Variants in PDLIM5 observed in about 807,000 individuals in gnomAD.
PDLIM5 encodes the protein PDZ and LIM domain 5, also known as PDZ and LIM domain protein 5.
A neutral mutation model predicts 64.2 loss-of-function variants in PDLIM5; 34 were observed. That is an observed-to-expected ratio of 0.53 (90% CI 0.40 to 0.71). PDLIM5 has a LOEUF of 0.71. Ranked by LOEUF, PDLIM5 falls within the 30% of genes least tolerant of loss-of-function variation. PDLIM5 has a pLI of 0.00. For synonymous variants in PDLIM5, 253 were observed against 269.1 expected (o/e 0.94, Z 0.59); for missense variants, 683 against 733.6 (o/e 0.93, Z 0.80).
intron 2 of PDLIM5, among the ~76,000 whole-genome samples, chr4:94,491,945 G>A (rs938207821): frequency 2.0e-5 from 3 of 151,474 alleles, no homozygotes; most frequent in Non-Finnish European, 2.9e-5. Context: ...TCAAATATAC[G>A]TTATTATTGA....
At chr4:94,490,956 T>A (rs999649386) in intron 2 of PDLIM5, among the ~76,000 whole-genome samples, 5 of 152,184 alleles carry the variant, frequency 3.3e-5, no homozygotes, top group Admixed American at 1.3e-4. Context: ...ATAAAATGAC[T>A]GTATACCATT....
At chr4:94,593,212 C>T (rs1471143499) in intron 7 of PDLIM5, among the ~76,000 whole-genome samples, 1 of 152,178 alleles carries the variant, frequency 6.6e-6, no homozygotes. Context: ...GTAGCTGCAA[C>T]TGTAAGTAAA....
chr4:94,616,009 TTGTC>T (rs1738757117), intron 7 of PDLIM5, among the ~76,000 whole-genome samples: 1 of 152,188 alleles, frequency 6.6e-6, no homozygotes, highest in Non-Finnish European at 1.5e-5. Context: ...TTAAGTCAGT[TTGTC>T]TGGCAGCTCT....
intron 2 of PDLIM5, among the ~76,000 whole-genome samples, chr4:94,508,282 A>G (rs187935242): frequency 9.8e-5 from 15 of 152,336 alleles, no homozygotes; most frequent in African/African-American, 3.1e-4. Context: ...TGCTGTCTTG[A>G]TAAAAGCCAA....
intron 5 of PDLIM5, chr4:94,579,679 C>T: frequency 2.2e-6 from 1 of 446,692 alleles, no homozygotes; most frequent in Non-Finnish European, 4.1e-6. Flanking sequence ...TTTCAGTAAG[C>T]TTGGTTTGCA....
chr4:94,624,747 T>G (rs1273104213), intron 8 of PDLIM5, among the ~76,000 whole-genome samples: 1 of 152,062 alleles, frequency 6.6e-6, no homozygotes, highest in Non-Finnish European at 1.5e-5. Context: ...TGGCTTCGGG[T>G]AGGAAAGACA....
At chr4:94,648,542 C>T (rs1037344213) in intron 9 of PDLIM5, among the ~76,000 whole-genome samples, 5 of 152,150 alleles carry the variant, frequency 3.3e-5, no homozygotes, top group African/African-American at 7.2e-5. Context: ...TCAAGTGATC[C>T]GCCCGTCTCG....
At chr4:94,640,125 T>C (rs1278631281) in intron 8 of PDLIM5, 151 bp from the exon 9 acceptor site, 1 of 428,128 alleles carries the variant, frequency 2.3e-6, no homozygotes, top group African/African-American at 2.0e-5. Context: ...AGTCACAGCC[T>C]AGTGTTTGAT....
At chr4:94,482,881 C>G (rs926321453) in intron 2 of PDLIM5, among the ~76,000 whole-genome samples, 2 of 151,762 alleles carry the variant, frequency 1.3e-5, no homozygotes, top group Non-Finnish European at 2.9e-5. Context: ...AGACCAAGAC[C>G]CTGTCACTAA....
chr4:94,586,561 A>T (rs2110316943), intron 7 of PDLIM5, 117 bp downstream of exon 7: 1 of 639,464 alleles, frequency 1.6e-6, no homozygotes, highest in East Asian at 2.7e-5. Flanking sequence ...CTAGAAGCTA[A>T]GCATTTAACT....
intron 3 of PDLIM5, among the ~76,000 whole-genome samples, chr4:94,560,722 ATGTT>A (rs1733761221): frequency 6.6e-6 from 1 of 151,856 alleles, no homozygotes; most frequent in African/African-American, 2.4e-5. Flanking sequence ...TAAGACTTAG[ATGTT>A]TGTTTTGTTT....
intron 7 of PDLIM5, chr4:94,611,088 T>A: frequency 2.0e-6 from 3 of 1,534,806 alleles, no homozygotes. Flanking sequence ...TCCTGAAAGA[T>A]ATCACTCACT....
chr4:94,459,018 A>G (rs1723633549), intron 2 of PDLIM5, among the ~76,000 whole-genome samples: 1 of 152,096 alleles, frequency 6.6e-6, no homozygotes, highest in African/African-American at 2.4e-5. Context: ...TCCTGTGTTT[A>G]TGGAATTGCC....
At chr4:94,532,983 A>G (rs576413374) in intron 3 of PDLIM5, among the ~76,000 whole-genome samples, 1 of 152,314 alleles carries the variant, frequency 6.6e-6, no homozygotes, top group South Asian at 2.1e-4. Context: ...AGACTGGGCG[A>G]CAGAGTGAGA....
intron 7 of PDLIM5, among the ~76,000 whole-genome samples, chr4:94,617,339 A>G (rs552220953): frequency 2.6e-5 from 4 of 152,210 alleles, no homozygotes; most frequent in Non-Finnish European, 5.9e-5. Flanking sequence ...TGGTTGAGAG[A>G]AGATAATGGC....
At chr4:94,651,529 GA>G (rs983499769) in intron 9 of PDLIM5, among the ~76,000 whole-genome samples, 10 of 152,118 alleles carry the variant, frequency 6.6e-5, no homozygotes, top group Non-Finnish European at 1.5e-4. Flanking sequence ...TACAAAAGGG[GA>G]AAAAGAATGA....
chr4:94,536,770 A>G (rs1325371734), intron 3 of PDLIM5, among the ~76,000 whole-genome samples: 2 of 152,154 alleles, frequency 1.3e-5, no homozygotes, highest in East Asian at 3.9e-4. Flanking sequence ...TTCCAGATAA[A>G]CATTTTTGTC....
At chr4:94,505,770 G>C (rs1308938604) in intron 2 of PDLIM5, among the ~76,000 whole-genome samples, 1 of 152,210 alleles carries the variant, frequency 6.6e-6, no homozygotes, top group Non-Finnish European at 1.5e-5. Flanking sequence ...ATGAAAAGGG[G>C]AACAGCGCTT....
At chr4:94,556,032 T>A (rs1481141124) in intron 3 of PDLIM5, among the ~76,000 whole-genome samples, 2 of 151,882 alleles carry the variant, frequency 1.3e-5, no homozygotes, top group African/African-American at 2.4e-5. Flanking sequence ...ATTAGGTATA[T>A]CTCCTAATGC....
Sources: allele counts gnomAD v4.1 joint callset (sites outside exome capture counted in the v4.1 genomes callset), GRCh38; gene constraint gnomAD v4.1.1; transcripts MANE v1.5; gene names NCBI Gene and HGNC (gene_info 2026-07-23, HGNC 2026-07-21).